The following CNTNAP2 variants were observed in gnomAD, a reference collection of about 807,000 sequenced individuals.
The protein encoded by CNTNAP2 is contactin-associated protein-like 2.
A neutral mutation model predicts 155.2 loss-of-function variants in CNTNAP2; 98 were observed. That is an observed-to-expected ratio of 0.63 (90% CI 0.54 to 0.75). The LOEUF is 0.75. Ranked by LOEUF, CNTNAP2 falls within the 30% of genes least tolerant of loss-of-function variation. CNTNAP2 has a pLI of 0.00. For synonymous variants in CNTNAP2, 651 were observed against 631.2 expected (o/e 1.03, Z -0.47); for missense variants, 1,727 against 1,688.1 (o/e 1.02, Z -0.40).
intron 15 of CNTNAP2, among the ~76,000 whole-genome samples, chr7:148,097,195 G>A (rs1459529839): frequency 6.6e-6 from 1 of 151,874 alleles, no homozygotes; most frequent in Non-Finnish European, 1.5e-5. Flanking sequence ...ATGAGTACAG[G>A]GCATTAGGAA....
chr7:146,278,022 G>A (rs1418669153), intron 1 of CNTNAP2, among the ~76,000 whole-genome samples: 1 of 152,172 alleles, frequency 6.6e-6, no homozygotes, highest in Non-Finnish European at 1.5e-5. Context: ...GGGCACGTGA[G>A]GGAGACACAG....
chr7:147,456,396 A>C (rs1271042822), intron 10 of CNTNAP2, among the ~76,000 whole-genome samples: 1 of 152,244 alleles, frequency 6.6e-6, no homozygotes, highest in Non-Finnish European at 1.5e-5. Flanking sequence ...GAAGATGGCA[A>C]GCATAACTTT....
chr7:148,374,614 G>A (rs550226942), intron 21 of CNTNAP2, among the ~76,000 whole-genome samples: 25 of 152,266 alleles, frequency 1.6e-4, no homozygotes, highest in African/African-American at 6.0e-4. Context: ...AAACATTTTA[G>A]CAGAAGCGGA....
At chr7:147,604,546 C>G (rs1267858943) in intron 12 of CNTNAP2, among the ~76,000 whole-genome samples, 1 of 152,134 alleles carries the variant, frequency 6.6e-6, no homozygotes, top group Non-Finnish European at 1.5e-5. Context: ...ATCTCTTGCC[C>G]CACATCTGGA....
At chr7:147,856,434 G>A (rs1034063439) in intron 13 of CNTNAP2, among the ~76,000 whole-genome samples, 1 of 152,086 alleles carries the variant, frequency 6.6e-6, no homozygotes, top group Non-Finnish European at 1.5e-5. Flanking sequence ...AATAAATGTG[G>A]ACGGGGAAAT....
At chr7:146,613,183 C>T (rs1374645889) in intron 1 of CNTNAP2, among the ~76,000 whole-genome samples, 1 of 152,116 alleles carries the variant, frequency 6.6e-6, no homozygotes, top group African/African-American at 2.4e-5. Flanking sequence ...CCTCCAATGT[C>T]ACAGGGAGAC....
chr7:147,957,224 T>C lies in CNTNAP2; in HGVS notation c.2256-20638T>C, dbSNP rs1801031264. Among the ~76,000 whole-genome samples, 4 of 152,256 alleles carry C rather than the reference T, an allele frequency of 2.6e-5. No individual in the cohort carries two copies. In the South Asian group the frequency reaches 8.3e-4, roughly 32 times the overall value. On this transcript the variant is annotated intron_variant, in intron 14 of 23. Transcript: ENST00000361727. Reference sequence around the variant, plus strand: ...GGTTAGCAGAGAATGAGATGTAAACTCTGTTGGGGTTTTGCTGACAAATAC... The same window carrying C: ...GGTTAGCAGAGAATGAGATGTAAACCCTGTTGGGGTTTTGCTGACAAATAC...
intron 14 of CNTNAP2, among the ~76,000 whole-genome samples, chr7:147,947,490 T>C (rs1031078570): frequency 1.3e-5 from 2 of 148,868 alleles, no homozygotes; most frequent in African/African-American, 2.5e-5. Flanking sequence ...TAGTTGGGCA[T>C]TGTAGTGCAT....
intron 11 of CNTNAP2, among the ~76,000 whole-genome samples, chr7:147,501,529 T>C (rs1439267142): frequency 6.6e-6 from 1 of 152,172 alleles, no homozygotes; most frequent in Non-Finnish European, 1.5e-5. Flanking sequence ...TTTATAGTGG[T>C]GTGAAGCCAA....
intron 8 of CNTNAP2, among the ~76,000 whole-genome samples, chr7:147,213,667 G>C (rs949063382): frequency 2.0e-5 from 3 of 152,146 alleles, no homozygotes; most frequent in East Asian, 3.9e-4. Context: ...GATTTATTAG[G>C]GATACTAGCT....
intron 3 of CNTNAP2, among the ~76,000 whole-genome samples, chr7:146,963,543 C>T (rs955851748): frequency 2.7e-4 from 41 of 151,936 alleles, no homozygotes; most frequent in Non-Finnish European, 7.4e-5. Flanking sequence ...ATTATATTCC[C>T]TTGTAACCTG....
chr7:148,291,344 C>G (rs1797186435), intron 21 of CNTNAP2, among the ~76,000 whole-genome samples: 1 of 151,344 alleles, frequency 6.6e-6, no homozygotes, highest in Non-Finnish European at 1.5e-5. Context: ...AGTAATAACT[C>G]ACACGATCAC....
chr7:146,142,497 G>A lies in CNTNAP2; in HGVS notation c.97+25524G>A, dbSNP rs538651801. ...GTTTTCATGAAAGAGCAGTTATACA[G>A]GAATGAAAGAAGCTTTCTAACAAGA... is the stretch of plus-strand genomic sequence containing the variant. On this transcript the variant is annotated intron_variant, in intron 1 of 23. Transcript: ENST00000361727. Among the ~76,000 whole-genome samples the A allele has an allele frequency of 2.1e-4, 32 of 152,256 alleles. 1 individual carries two copies. The highest frequency in any genetic ancestry group is 6.5e-4 in the African/African-American group (27 of 41,572).
chr7:147,848,816 A>T (rs1390870520), intron 13 of CNTNAP2, among the ~76,000 whole-genome samples: 1 of 152,236 alleles, frequency 6.6e-6, no homozygotes, highest in Non-Finnish European at 1.5e-5. Context: ...CATAGAATAG[A>T]ATTTATGAAT....
chr7:147,806,427 G>T (rs1469991543), intron 13 of CNTNAP2, among the ~76,000 whole-genome samples: 1 of 152,096 alleles, frequency 6.6e-6, no homozygotes, highest in Admixed American at 6.5e-5. Context: ...ATGGAAAACA[G>T]CATAAAGGTT....
At chr7:146,499,379 C>T (rs949316722) in intron 1 of CNTNAP2, among the ~76,000 whole-genome samples, 2 of 152,058 alleles carry the variant, frequency 1.3e-5, no homozygotes, top group Non-Finnish European at 2.9e-5. Flanking sequence ...CCGGGTTTCA[C>T]TAATCTATAA....
At chr7:147,675,194 C>T (rs1051194121) in intron 13 of CNTNAP2, among the ~76,000 whole-genome samples, 4 of 151,990 alleles carry the variant, frequency 2.6e-5, no homozygotes, top group East Asian at 1.9e-4. Context: ...TCTCTGCCTC[C>T]GTCTTCACAA....
At chr7:148,210,204 G>T (rs1463273488) in intron 18 of CNTNAP2, among the ~76,000 whole-genome samples, 1 of 152,218 alleles carries the variant, frequency 6.6e-6, no homozygotes, top group African/African-American at 2.4e-5. Flanking sequence ...CAAAAAGCGA[G>T]TTGGTGGCAA....
intron 1 of CNTNAP2, among the ~76,000 whole-genome samples, chr7:146,366,383 A>G (rs1275884178): frequency 6.6e-6 from 1 of 152,164 alleles, no homozygotes; most frequent in Non-Finnish European, 1.5e-5. Flanking sequence ...AGTATTAAAT[A>G]CTTTAATAAG....
Sources: allele counts gnomAD v4.1 joint callset (sites outside exome capture counted in the v4.1 genomes callset), GRCh38; gene constraint gnomAD v4.1.1; transcripts MANE v1.5; gene names NCBI Gene and HGNC (gene_info 2026-07-23, HGNC 2026-07-21).